ATXN7L1: variants seen among roughly 807,000 people sequenced by gnomAD.
The protein encoded by ATXN7L1 is ataxin 7 like 1.
In ATXN7L1, 15 loss-of-function variants were observed where a neutral mutation model predicts 70.8. The observed-to-expected ratio is 0.21, with a 90% CI of 0.14 to 0.33. ATXN7L1 has a LOEUF of 0.33. Ranked by LOEUF, ATXN7L1 falls within the 10% of genes least tolerant of loss-of-function variation. The pLI is 1.00. For synonymous variants in ATXN7L1, 440 were observed against 445.1 expected, an observed-to-expected ratio of 0.99 and a Z score of 0.14; for missense variants, 975 against 1,097.1, an observed-to-expected ratio of 0.89 and a Z score of 1.57.
At chr7:105,672,316 A>G (rs1200119065) in intron 3 of ATXN7L1, among the ~76,000 whole-genome samples, 1 of 152,128 alleles carries the variant, frequency 6.6e-6, no homozygotes, top group Non-Finnish European at 1.5e-5. Flanking sequence ...AGGCACTACT[A>G]GTTTCTCTTT....
chr7:105,845,423 T>C (rs572333559), intron 2 of ATXN7L1, among the ~76,000 whole-genome samples: 13 of 151,982 alleles, frequency 8.6e-5, no homozygotes, highest in Non-Finnish European at 1.5e-4. Flanking sequence ...AGCCTTCCCA[T>C]GTTCATGCGT....
At chr7:105,871,710 C>CAAA (rs11350779) in intron 2 of ATXN7L1, among the ~76,000 whole-genome samples, 2 of 127,472 alleles carry the variant, frequency 1.6e-5, no homozygotes, top group East Asian at 2.1e-4. Flanking sequence ...GATTCTGTCT[C>CAAA]AAAAAAAAAA....
At chr7:105,779,303 T>C (rs942475603) in intron 3 of ATXN7L1, among the ~76,000 whole-genome samples, 38 of 152,226 alleles carry the variant, frequency 2.5e-4, no homozygotes, top group African/African-American at 8.4e-4. Flanking sequence ...GTTTAGCACA[T>C]AGTAAGTGCT....
chr7:105,621,839 C>A (rs765125922), intron 8 of ATXN7L1, among the ~76,000 whole-genome samples: 3 of 152,182 alleles, frequency 2.0e-5, no homozygotes, highest in Non-Finnish European at 2.9e-5. Context: ...TTTGGAACAA[C>A]AGTTCTCAGG....
At chr7:105,627,994 G>A (rs113151556) in intron 7 of ATXN7L1, among the ~76,000 whole-genome samples, 23,342 of 151,288 alleles carry the variant, frequency 0.15, 1,948 homozygotes, top group Middle Eastern at 0.22. Flanking sequence ...ACAGGTGTGT[G>A]CCACCATGCC....
intron 3 of ATXN7L1, among the ~76,000 whole-genome samples, chr7:105,767,862 C>T (rs914190179): frequency 1.3e-5 from 2 of 152,238 alleles, no homozygotes; most frequent in African/African-American, 4.8e-5. Flanking sequence ...GGCCTTCCTC[C>T]TTCTCCAGTC....
chr7:105,676,032 C>T (rs965240486), intron 3 of ATXN7L1, among the ~76,000 whole-genome samples: 2 of 152,128 alleles, frequency 1.3e-5, no homozygotes, highest in Non-Finnish European at 2.9e-5. Flanking sequence ...GCTCAGGGGA[C>T]AGCACTCTCC....
At chr7:105,800,530 A>G (rs1403906302) in intron 2 of ATXN7L1, among the ~76,000 whole-genome samples, 1 of 152,182 alleles carries the variant, frequency 6.6e-6, no homozygotes, top group African/African-American at 2.4e-5. Context: ...CCATTTGTAC[A>G]CTGTTTTATA....
chr7:105,686,890 A>G (rs1563003448), intron 3 of ATXN7L1, among the ~76,000 whole-genome samples: 1 of 152,202 alleles, frequency 6.6e-6, no homozygotes, highest in Non-Finnish European at 1.5e-5. Flanking sequence ...CTATTAACAG[A>G]TCAGGGAGTT....
chr7:105,826,610 C>T (rs1322866685), intron 2 of ATXN7L1, among the ~76,000 whole-genome samples: 1 of 151,998 alleles, frequency 6.6e-6, no homozygotes, highest in Non-Finnish European at 1.5e-5. Context: ...TAAATTGTGA[C>T]TATTTTGCAG....
At chr7:105,615,606 G>A (rs368928663) in intron 9 of ATXN7L1, among the ~76,000 whole-genome samples, 14 of 152,300 alleles carry the variant, frequency 9.2e-5, no homozygotes, top group African/African-American at 3.4e-4. Context: ...GGAGCTGTCT[G>A]GGGTGTGGCT....
chr7:105,744,132 C>T lies in ATXN7L1; in HGVS notation c.355+44472G>A, dbSNP rs572390588. Among the ~76,000 whole-genome samples the T allele has an allele frequency of 4.4e-4, 67 of 152,240 alleles. No individual in the cohort carries two copies. In the South Asian group the frequency reaches 0.014, roughly 32 times the overall value. ...ACAGAAACATCATCACCTCTCAAGT[C>T]ACCAAAGGATTAAATGAGACAACAC... On this transcript the variant is annotated intron_variant, in intron 3 of 11. Transcript: ENST00000419735.
chr7:105,733,548 AT>A (rs1796864377), intron 3 of ATXN7L1, among the ~76,000 whole-genome samples: 2 of 137,784 alleles, frequency 1.5e-5, no homozygotes, highest in African/African-American at 5.6e-5. Flanking sequence ...CCACCCATCC[AT>A]CCATCCACCC....
At position 105,607,756 on chromosome 7, in the gene ATXN7L1, TC is replaced by T. The variant is rs1562880560; in HGVS notation, c.*95del. The T allele has an allele frequency of 1.8e-6, 2 of 1,127,210 alleles. No individual in the cohort carries two copies. Among genetic ancestry groups the T allele is most frequent in the South Asian group, 1.4e-5 (1 of 73,794 alleles). 69.8% of individuals were successfully genotyped at this position (1,127,210 alleles called of 1,614,324 possible). On this transcript the variant is annotated 3_prime_UTR_variant, in exon 12 of 12. Coordinates refer to ENST00000419735, the MANE Select transcript of ATXN7L1 (RefSeq NM_020725.2). ...CAGGGAGTGCACAGAAAACAGACTC[TC>T]CCCCCAGCCCACTCCCCTCCCTCCT...
At chr7:105,742,507 G>A (rs950713818) in intron 3 of ATXN7L1, among the ~76,000 whole-genome samples, 1 of 152,216 alleles carries the variant, frequency 6.6e-6, no homozygotes, top group Non-Finnish European at 1.5e-5. Context: ...AAAACTGAGT[G>A]AGACACATAA....
intron 2 of ATXN7L1, among the ~76,000 whole-genome samples, chr7:105,837,316 C>T (rs964669635): frequency 3.9e-5 from 6 of 152,088 alleles, no homozygotes; most frequent in African/African-American, 1.4e-4. Flanking sequence ...TGATTCCTTC[C>T]TACTTCTTTG....
At chr7:105,719,491 C>T (rs748705380) in intron 3 of ATXN7L1, among the ~76,000 whole-genome samples, 54 of 152,190 alleles carry the variant, frequency 3.5e-4, no homozygotes, top group Non-Finnish European at 6.5e-4. Flanking sequence ...CATGTATAAC[C>T]TTGTCTCTTG....
intron 3 of ATXN7L1, among the ~76,000 whole-genome samples, chr7:105,734,536 G>C (rs908123429): frequency 2.0e-5 from 3 of 152,026 alleles, no homozygotes; most frequent in African/African-American, 7.2e-5. Flanking sequence ...GTAAACATCT[G>C]ACTCAAGCGT....
chr7:105,800,634 C>A (rs1806672229), intron 2 of ATXN7L1, among the ~76,000 whole-genome samples: 1 of 152,178 alleles, frequency 6.6e-6, no homozygotes. Flanking sequence ...CTGCCTTAGA[C>A]TAAAGAACCA....
Sources: allele counts gnomAD v4.1 joint callset (sites outside exome capture counted in the v4.1 genomes callset), GRCh38; gene constraint gnomAD v4.1.1; transcripts MANE v1.5; gene names NCBI Gene and HGNC (gene_info 2026-07-23, HGNC 2026-07-21).